CPQ: variants seen among roughly 807,000 people sequenced by gnomAD.
CPQ encodes carboxypeptidase Q, also known as Ser-Met dipeptidase.
A neutral mutation model predicts 45.7 loss-of-function variants in CPQ; 37 were observed. The ratio of observed to expected loss-of-function variants is 0.81; its 90% CI spans 0.62 to 1.07. The LOEUF is 1.07. CPQ is among the 50% of genes least tolerant of loss of function. The pLI is 0.00. For synonymous variants in CPQ, 186 were observed against 205.8 expected, an observed-to-expected ratio of 0.90 and a Z score of 0.82; for missense variants, 537 against 572.9, an observed-to-expected ratio of 0.94 and a Z score of 0.64.
At chr8:96,835,237 A>G in intron 3 of CPQ, 57 bp downstream of exon 3, 1 of 1,335,106 alleles carries the variant, frequency 7.5e-7, no homozygotes, top group South Asian at 1.9e-5. Flanking sequence ...CCGTGAAGGA[A>G]AAGTCCTTAT....
At chr8:96,991,568 A>C (rs1312455778) in intron 5 of CPQ, among the ~76,000 whole-genome samples, 13 of 99,298 alleles carry the variant, frequency 1.3e-4, no homozygotes, top group Non-Finnish European at 2.3e-4. Context: ...TAATAATAAT[A>C]ATAATAATAA....
intron 7 of CPQ, among the ~76,000 whole-genome samples, chr8:97,082,519 G>A (rs1810967914): frequency 6.6e-6 from 1 of 152,112 alleles, no homozygotes; most frequent in Non-Finnish European, 1.5e-5. Context: ...TGCCATTCTA[G>A]GATCTATTGG....
At chr8:96,924,001 G>A (rs1812841675) in intron 4 of CPQ, among the ~76,000 whole-genome samples, 1 of 152,172 alleles carries the variant, frequency 6.6e-6, no homozygotes, top group Admixed American at 6.5e-5. Context: ...TTATCTTGGG[G>A]GCATTAAATC....
chr8:97,013,338 T>C (rs181789963), intron 5 of CPQ, among the ~76,000 whole-genome samples: 1 of 152,256 alleles, frequency 6.6e-6, no homozygotes, highest in Non-Finnish European at 1.5e-5. Context: ...TGTTCAAAAA[T>C]ATCCTATGTC....
At chr8:97,120,346 C>T (rs1426703484) in intron 7 of CPQ, among the ~76,000 whole-genome samples, 1 of 151,574 alleles carries the variant, frequency 6.6e-6, no homozygotes. Context: ...AATGATTCTT[C>T]ATTTTACAAG....
chr8:96,871,742 C>G (rs1022864327), intron 3 of CPQ, among the ~76,000 whole-genome samples: 1 of 151,626 alleles, frequency 6.6e-6, no homozygotes, highest in African/African-American at 2.4e-5. Flanking sequence ...CAGTTATTTT[C>G]TTTGAACTTA....
At position 96,716,097 on chromosome 8, in the gene CPQ, A is replaced by T. The variant is rs1809669664; in HGVS notation, c.-34-68767A>T. Among the ~76,000 whole-genome samples, 4 of 152,156 alleles carry T rather than the reference A, an allele frequency of 2.6e-5. No homozygotes were observed. In the South Asian group the frequency reaches 8.3e-4, roughly 32 times the overall value. On this transcript the variant is annotated intron_variant, in intron 1 of 7. Coordinates refer to ENST00000220763, the MANE Select transcript of CPQ (RefSeq NM_016134.4). Reference sequence around the variant, plus strand: ...CATGTGGACAGACCAGGACCTTCTCATTAGCTAGGGTGATGCAGGCAATGG... The same window carrying T: ...CATGTGGACAGACCAGGACCTTCTCTTTAGCTAGGGTGATGCAGGCAATGG...
chr8:96,721,098 G>A (rs1044924531), intron 1 of CPQ, among the ~76,000 whole-genome samples: 2 of 152,146 alleles, frequency 1.3e-5, no homozygotes, highest in Admixed American at 6.5e-5. Flanking sequence ...CCCACGTACA[G>A]CCCATCTCTC....
At chr8:97,029,168 G>A (rs1187133892) in intron 5 of CPQ, among the ~76,000 whole-genome samples, 1 of 152,066 alleles carries the variant, frequency 6.6e-6, no homozygotes, top group Non-Finnish European at 1.5e-5. Flanking sequence ...CTCACTTTCT[G>A]GCCTGCAAAC....
At chr8:97,062,048 C>T (rs1164018527) in intron 6 of CPQ, among the ~76,000 whole-genome samples, 1 of 152,154 alleles carries the variant, frequency 6.6e-6, no homozygotes, top group Non-Finnish European at 1.5e-5. Flanking sequence ...ATGTTCCTGT[C>T]AACATCCTGT....
chr8:97,041,417 A>AT lies in CPQ; in HGVS notation c.1053+11924dup, dbSNP rs1810122987. Among the ~76,000 whole-genome samples, 3 of 152,328 alleles carry AT rather than the reference A, an allele frequency of 2.0e-5. No individual in the cohort carries two copies. In the South Asian group the frequency reaches 6.2e-4, roughly 32 times the overall value. On this transcript the variant is annotated intron_variant, in intron 6 of 7. Coordinates refer to ENST00000220763, the MANE Select transcript of CPQ (RefSeq NM_016134.4). ...AATGGGGTTTTCTAGATATACAATC[A>AT]TATCACCTGCAAACAGGGACAATTT...
chr8:96,805,860 A>G (rs1811072055), intron 2 of CPQ, among the ~76,000 whole-genome samples: 1 of 151,748 alleles, frequency 6.6e-6, no homozygotes, highest in African/African-American at 2.4e-5. Context: ...ATAGCCTCTT[A>G]CATTCCCTCC....
chr8:96,753,478 C>T (rs867768031), intron 1 of CPQ, among the ~76,000 whole-genome samples: 14 of 152,064 alleles, frequency 9.2e-5, no homozygotes, highest in Admixed American at 7.2e-4. Context: ...TCTACCTCTC[C>T]GGGAGCATAT....
At chr8:96,752,941 C>T (rs1189237706) in intron 1 of CPQ, among the ~76,000 whole-genome samples, 1 of 151,742 alleles carries the variant, frequency 6.6e-6, no homozygotes, top group African/African-American at 2.4e-5. Context: ...TGTCATTCCA[C>T]CATTTTATTC....
At chr8:97,123,024 T>TAAATAAAAAA (rs1811759173) in intron 7 of CPQ, among the ~76,000 whole-genome samples, 1 of 26,412 alleles carries the variant, frequency 3.8e-5, no homozygotes, top group Admixed American at 6.4e-4. Flanking sequence ...TAAAATAAAA[T>TAAATAAAAAA]AAATAAAATA....
intron 4 of CPQ, among the ~76,000 whole-genome samples, chr8:96,959,087 G>T (rs1379160331): frequency 2.0e-5 from 3 of 152,116 alleles, no homozygotes; most frequent in Non-Finnish European, 1.5e-5. Context: ...TTTTGTCTGT[G>T]CTGGGCAATA....
At chr8:96,831,294 T>G (rs7845171) in intron 2 of CPQ, among the ~76,000 whole-genome samples, 75,611 of 151,936 alleles carry the variant, frequency 0.5, 20,591 homozygotes, top group East Asian at 0.88. Context: ...CACTTGGAAC[T>G]TACATTATTG....
At position 97,066,025 on chromosome 8, in the gene CPQ, A is replaced by G. The variant is rs1346832344; in HGVS notation, c.1070A>G (p.Tyr357Cys). 3 of 1,610,278 alleles carry G rather than the reference A, an allele frequency of 1.9e-6. No homozygotes were observed. The highest frequency in any genetic ancestry group is 2.2e-5 in the East Asian group (1 of 44,814). ...YQLHKVNISN[Y>C]SLVMESDAGT... ...TGTGTTTAGGTAAATATTTCCAACT[A>G]CAGTCTGGTGATGGAGTCTGACGCA... The change falls in exon 7 of 8, where the codon TAC becomes TGC. Residue 357 changes from tyrosine to cysteine, a missense_variant. Tyr to Cys is a radical substitution (Grantham distance 194). Transcript: ENST00000220763.
intron 1 of CPQ, among the ~76,000 whole-genome samples, chr8:96,707,574 C>A (rs1031913475): frequency 2.6e-5 from 4 of 151,916 alleles, no homozygotes; most frequent in Non-Finnish European, 5.9e-5. Context: ...AGTTGAGGCA[C>A]CCCTGATCTA....
Sources: gnomAD v4.1 joint callset for allele counts (sites outside exome capture counted in the v4.1 genomes callset) on GRCh38, gnomAD v4.1.1 for gene constraint, MANE v1.5 for transcripts, NCBI Gene and HGNC (gene_info 2026-07-23, HGNC 2026-07-21) for gene names.